CNNM2: variants seen among roughly 807,000 people sequenced by gnomAD.
CNNM2 encodes metal transporter CNNM2.
Under a neutral mutation model 66.9 loss-of-function variants are expected in CNNM2, and 12 were observed. The ratio of observed to expected loss-of-function variants is 0.18; its 90% CI spans 0.11 to 0.29. CNNM2 has a LOEUF of 0.29. Ranked by LOEUF, CNNM2 falls within the 10% of genes least tolerant of loss-of-function variation. The probability of loss-of-function intolerance (pLI) is 1.00; values close to 1 mark genes in which losing one functional copy is unlikely to be tolerated. For synonymous variants in CNNM2, 557 were observed against 501.8 expected, an observed-to-expected ratio of 1.11 and a Z score of -1.47; for missense variants, 705 against 1,167.7, an observed-to-expected ratio of 0.60 and a Z score of 5.77.
At chr10:102,999,609 A>G (rs2064076608) in intron 1 of CNNM2, among the ~76,000 whole-genome samples, 1 of 152,078 alleles carries the variant, frequency 6.6e-6, no homozygotes, top group South Asian at 2.1e-4. Flanking sequence ...TATCAGATCT[A>G]CCTATTTAAT....
chr10:102,919,977 C>T lies in CNNM2; in HGVS notation c.1497C>T (p.Asp499=). Reference sequence around the variant, plus strand: ...TCGTGGACCTGCTGTTTGTCAAAGACTTGGCCTTCGTGGATCCCGATGACT... The same window carrying T: ...TCGTGGACCTGCTGTTTGTCAAAGATTTGGCCTTCGTGGATCCCGATGACT... The part of the protein sequence containing the change: ...SNIVDLLFVK[D]LAFVDPDDCT... Residue 499 remains aspartate, a synonymous_variant, in exon 1 of 8, where the codon GAC becomes GAT. Coordinates refer to ENST00000369878, the MANE Select transcript of CNNM2 (RefSeq NM_017649.5). The T allele has an allele frequency of 6.2e-7, 1 of 1,614,244 alleles. No individual in the cohort carries two copies. Among genetic ancestry groups the T allele is most frequent in the Non-Finnish European group, 8.5e-7 (1 of 1,180,050 alleles).
intron 1 of CNNM2, among the ~76,000 whole-genome samples, chr10:102,931,653 G>A (rs778192919): frequency 2.0e-5 from 3 of 151,858 alleles, no homozygotes; most frequent in Non-Finnish European, 2.9e-5. Context: ...CACAGCGCCC[G>A]GCCATGGACA....
At chr10:102,952,098 C>T (rs1276105884) in intron 1 of CNNM2, among the ~76,000 whole-genome samples, 4 of 151,534 alleles carry the variant, frequency 2.6e-5, no homozygotes, top group African/African-American at 4.8e-5. Context: ...CCACCACGCC[C>T]GGCCAATTTT....
chr10:103,054,129 C>T lies in CNNM2; in HGVS notation c.1766-200C>T, dbSNP rs1301940704. ...GCCTGCGGTCACTCGCTGCGGACTGCGTGGTGCCCAGGCCGCCGTGCTGAT... is the reference window on the plus strand; with the variant it reads ...GCCTGCGGTCACTCGCTGCGGACTGTGTGGTGCCCAGGCCGCCGTGCTGAT... On this transcript the variant is annotated intron_variant, in intron 2 of 7. Coordinates refer to ENST00000369878, the MANE Select transcript of CNNM2 (RefSeq NM_017649.5). This position sits in a 1 kb window ranked among gnomAD's most constrained non-coding sequence, Gnocchi z 5.2. Among the ~76,000 whole-genome samples, 2 of 152,218 alleles carry T rather than the reference C, an allele frequency of 1.3e-5. No homozygotes were observed. The highest frequency in any genetic ancestry group is 2.4e-5 in the African/African-American group (1 of 41,452).
intron 1 of CNNM2, 60 bp downstream of exon 1, chr10:102,920,161 T>C (rs1845567612): frequency 1.2e-6 from 2 of 1,613,324 alleles, no homozygotes; most frequent in Non-Finnish European, 1.7e-6. Context: ...TCCTCCCTAC[T>C]TGAGTCCTCT....
chr10:102,952,132 G>C (rs1846861214), intron 1 of CNNM2, among the ~76,000 whole-genome samples: 1 of 152,002 alleles, frequency 6.6e-6, no homozygotes, highest in Non-Finnish European at 1.5e-5. Context: ...GAGAGTCAGA[G>C]TCTTTGCTAT....
chr10:102,932,831 C>T (rs1196522727), intron 1 of CNNM2, among the ~76,000 whole-genome samples: 3 of 150,662 alleles, frequency 2.0e-5, no homozygotes, highest in Non-Finnish European at 1.5e-5. Context: ...GCAGGAGAAT[C>T]GCTTTAACCC....
chr10:103,052,295 A>C lies in CNNM2; in HGVS notation c.1766-2034A>C, dbSNP rs7917547. 0.21 allele frequency among the ~76,000 whole-genome samples: 31,288 copies of C among 150,826 alleles called. 3,401 individuals are homozygous for C. Among genetic ancestry groups the C allele is most frequent in the Non-Finnish European group, 0.22 (14,966 of 67,758 alleles). On this transcript the variant is annotated intron_variant, in intron 2 of 7. Transcript: ENST00000369878. ...AATCCGTCTCAAAAAAAAAAACAAA[A>C]AAAAAAAAACCCAAACCGAGTGTGT...
rs765900219 is a variant in CNNM2, at chr10:103,031,823, CT to C, written c.1622-17882del. The stretch of plus-strand genomic sequence containing the variant: ...AATGGAATGCTCTCAGAACTGTCTG[CT>C]TAAGTACAAAATGCGGGGGGGGCGT... On this transcript the variant is annotated intron_variant, in intron 1 of 7. Transcript: ENST00000369878. Among the ~76,000 whole-genome samples, 5 of 99,512 alleles carry C rather than the reference CT, an allele frequency of 5.0e-5. No homozygotes were observed. In the East Asian group the frequency reaches 1.7e-3, roughly 33 times the overall value. The allele number at this position is 99,512 out of a possible 152,430, so 65.3% of individuals were successfully genotyped here. A position where few individuals can be genotyped will look rare whatever the true frequency, so the allele number is the denominator to read the frequency against.
Position 103,088,796 on chromosome 10 carries a change from T to G in CNNM2, c.*11616T>G, listed in dbSNP as rs747702104. 1 of 185,840 alleles carries G rather than the reference T, an allele frequency of 5.4e-6. No individual in the cohort carries two copies. Among genetic ancestry groups the G allele is most frequent in the Non-Finnish European group, 1.1e-5 (1 of 87,816 alleles). 11.5% of individuals were successfully genotyped at this position (185,840 alleles called of 1,614,324 possible). On this transcript the variant is annotated 3_prime_UTR_variant, in exon 8 of 8. Transcript: ENST00000369878. ...CATCCTCTGATGTTCAATTTTAATA[T>G]ACAGCAATCAACTCTTAGAGGACAA...
intron 1 of CNNM2, among the ~76,000 whole-genome samples, chr10:103,029,876 AAAAT>A (rs913753957): frequency 5.7e-5 from 8 of 140,088 alleles, no homozygotes; most frequent in African/African-American, 1.3e-4. Context: ...AAAAAAAAAA[AAAAT>A]AATCTCAGAG....
chr10:103,073,868 CAAAAAAAA>C (rs61331007), intron 6 of CNNM2, among the ~76,000 whole-genome samples: 9 of 70,240 alleles, frequency 1.3e-4, no homozygotes, highest in Admixed American at 8.9e-4. Context: ...GACTCCGTCT[CAAAAAAAA>C]AAAAAAAAAA....
chr10:103,026,770 T>C (rs1247159708), intron 1 of CNNM2, among the ~76,000 whole-genome samples: 1 of 152,022 alleles, frequency 6.6e-6, no homozygotes, highest in Non-Finnish European at 1.5e-5. Flanking sequence ...ACAGGGAGAA[T>C]GGAGTGTGTT....
At chr10:103,015,341 A>G (rs1234867444) in intron 1 of CNNM2, among the ~76,000 whole-genome samples, 2 of 152,200 alleles carry the variant, frequency 1.3e-5, no homozygotes, top group African/African-American at 4.8e-5. Flanking sequence ...ATTTTTGACC[A>G]CAATCTCTTA....
chr10:103,034,294 G>C (rs2064886287), intron 1 of CNNM2, among the ~76,000 whole-genome samples: 1 of 151,134 alleles, frequency 6.6e-6, no homozygotes, highest in South Asian at 2.1e-4. Flanking sequence ...AGTGAGAAAA[G>C]GGGTTAAGGT....
intron 1 of CNNM2, among the ~76,000 whole-genome samples, chr10:102,940,889 AT>A (rs1443963771): frequency 6.6e-6 from 1 of 151,680 alleles, no homozygotes; most frequent in Non-Finnish European, 1.5e-5. Context: ...GCCTGGCCAA[AT>A]TTTTATATTT....
intron 4 of CNNM2, among the ~76,000 whole-genome samples, 187 bp downstream of exon 4, chr10:103,057,151 T>G (rs1415223486): frequency 6.6e-6 from 1 of 152,194 alleles, no homozygotes; most frequent in Non-Finnish European, 1.5e-5. Flanking sequence ...ATGCCAATAG[T>G]TACTTTAATT....
At chr10:103,030,717 G>A (rs1036485306) in intron 1 of CNNM2, among the ~76,000 whole-genome samples, 1 of 152,100 alleles carries the variant, frequency 6.6e-6, no homozygotes, top group Admixed American at 6.6e-5. Context: ...TGGCAGGGGG[G>A]GAAGTCGATA....
At chr10:102,932,346 A>G (rs1250932969) in intron 1 of CNNM2, among the ~76,000 whole-genome samples, 3 of 151,898 alleles carry the variant, frequency 2.0e-5, no homozygotes, top group Non-Finnish European at 4.4e-5. Flanking sequence ...CACTGCAACC[A>G]GCTCTATTTT....
Sources: allele counts gnomAD v4.1 joint callset (sites outside exome capture counted in the v4.1 genomes callset), GRCh38; gene constraint gnomAD v4.1.1; non-coding constraint Gnocchi (gnomAD v3.1); transcripts MANE v1.5; gene names NCBI Gene and HGNC (gene_info 2026-07-23, HGNC 2026-07-21).